RAB6A: variants seen among roughly 807,000 people sequenced by gnomAD.
RAB6A encodes the protein RAB6A, member RAS oncogene family.
In RAB6A, 8 loss-of-function variants were observed where a neutral mutation model predicts 32.3. That is an observed-to-expected ratio of 0.25 (90% confidence interval 0.15 to 0.45). The LOEUF (loss-of-function observed/expected upper bound fraction) is 0.45, where lower values mean the gene tolerates loss of function less well. RAB6A is among the 20% of genes least tolerant of loss of function. The pLI is 1.00. For missense variants in RAB6A, 104 were observed against 249.4 expected (o/e 0.42, Z 3.93); for synonymous variants, 73 against 82.1 (o/e 0.89, Z 0.60).
chr11:73,697,083 G>T (rs1277164221), intron 6 of RAB6A, among the ~76,000 whole-genome samples: 1 of 152,010 alleles, frequency 6.6e-6, no homozygotes, highest in Non-Finnish European at 1.5e-5. Flanking sequence ...TCACTCTAGT[G>T]TAACCTTACT....
chr11:73,749,643 C>T (rs992389094), intron 1 of RAB6A, among the ~76,000 whole-genome samples: 2 of 152,310 alleles, frequency 1.3e-5, no homozygotes, highest in African/African-American at 4.8e-5. Context: ...CAGAGCATTG[C>T]TCAAGGCCAA....
intron 5 of RAB6A, among the ~76,000 whole-genome samples, chr11:73,715,379 C>T (rs187253507): frequency 6.6e-6 from 1 of 152,302 alleles, no homozygotes; most frequent in Non-Finnish European, 1.5e-5. Context: ...CGTCCTTGGC[C>T]TCCCAAAGTG....
At chr11:73,739,143 G>A (rs1946447539) in intron 1 of RAB6A, among the ~76,000 whole-genome samples, 1 of 148,048 alleles carries the variant, frequency 6.8e-6, no homozygotes, top group Non-Finnish European at 1.5e-5. Context: ...TACTCAGGAT[G>A]CTGAGGCACA....
intron 2 of RAB6A, among the ~76,000 whole-genome samples, chr11:73,727,521 T>C (rs535773013): frequency 1.4e-3 from 212 of 152,122 alleles, no homozygotes; most frequent in South Asian, 3.5e-3. Flanking sequence ...TGTGAAAATA[T>C]GGATTCTGAA....
intron 1 of RAB6A, among the ~76,000 whole-genome samples, chr11:73,738,392 G>A (rs1735635164): frequency 6.6e-6 from 1 of 152,156 alleles, no homozygotes; most frequent in African/African-American, 2.4e-5. Flanking sequence ...GCTCTTGCCT[G>A]TAATCCCAGA....
intron 1 of RAB6A, among the ~76,000 whole-genome samples, chr11:73,735,937 A>AAAAAGAG (rs56012322): frequency 2.1e-4 from 26 of 123,554 alleles, no homozygotes; most frequent in Non-Finnish European, 3.3e-4. Flanking sequence ...AAAAAAAAAA[A>AAAAAGAG]AGAGAGAGAG....
chr11:73,737,663 A>T (rs1229222844), intron 1 of RAB6A, among the ~76,000 whole-genome samples: 1 of 152,148 alleles, frequency 6.6e-6, no homozygotes, highest in Non-Finnish European at 1.5e-5. Context: ...ATGAACCTTG[A>T]AAACACTACA....
At chr11:73,724,561 C>T (rs1050510988) in intron 2 of RAB6A, among the ~76,000 whole-genome samples, 1 of 149,974 alleles carries the variant, frequency 6.7e-6, no homozygotes, top group African/African-American at 2.5e-5. Flanking sequence ...TCTCAGCTCA[C>T]CGCAACCTCC....
chr11:73,742,137 C>T (rs1946506181), intron 1 of RAB6A, among the ~76,000 whole-genome samples: 1 of 152,022 alleles, frequency 6.6e-6, no homozygotes, highest in Non-Finnish European at 1.5e-5. Context: ...CAAAAATTAG[C>T]TGGGTGTGGT....
intron 1 of RAB6A, among the ~76,000 whole-genome samples, chr11:73,739,935 T>G (rs1463322128): frequency 6.6e-6 from 1 of 151,936 alleles, no homozygotes; most frequent in Non-Finnish European, 1.5e-5. Context: ...GGCACACACC[T>G]GTAGTCCCAG....
intron 1 of RAB6A, among the ~76,000 whole-genome samples, chr11:73,741,054 T>G (rs1008621247): frequency 1.3e-5 from 2 of 152,132 alleles, no homozygotes; most frequent in African/African-American, 4.8e-5. Flanking sequence ...ATTTATTAGA[T>G]CTACAGTATG....
intron 2 of RAB6A, among the ~76,000 whole-genome samples, chr11:73,729,107 T>C (rs1048357233): frequency 6.6e-6 from 1 of 152,170 alleles, no homozygotes; most frequent in African/African-American, 2.4e-5. Flanking sequence ...TTTGATTTTA[T>C]TTTATTTTTG....
At chr11:73,755,223 G>A (rs1422810166) in intron 1 of RAB6A, among the ~76,000 whole-genome samples, 1 of 151,644 alleles carries the variant, frequency 6.6e-6, no homozygotes, top group African/African-American at 2.4e-5. Context: ...GAGCCACCAC[G>A]CTCGGCCCTA....
intron 1 of RAB6A, among the ~76,000 whole-genome samples, chr11:73,732,831 G>A (rs536686977): frequency 7.3e-5 from 11 of 151,480 alleles, no homozygotes; most frequent in South Asian, 4.2e-4. Flanking sequence ...TTTTTCCCCC[G>A]AGACGATGTC....
At chr11:73,686,944 T>C (rs972863206) in intron 6 of RAB6A, among the ~76,000 whole-genome samples, 36 of 152,204 alleles carry the variant, frequency 2.4e-4, no homozygotes, top group South Asian at 6.2e-4. Context: ...GGCAGCATTA[T>C]TGACAATAGC....
intron 4 of RAB6A, among the ~76,000 whole-genome samples, chr11:73,716,822 C>G (rs1286358668): frequency 6.6e-6 from 1 of 152,196 alleles, no homozygotes; most frequent in Admixed American, 6.5e-5. Flanking sequence ...CTTTCAACAC[C>G]ACTGTTTGCA....
At chr11:73,730,547 T>G in intron 2 of RAB6A, 1 of 480,374 alleles carries the variant, frequency 2.1e-6, no homozygotes, top group Admixed American at 4.3e-5. Flanking sequence ...ATTGGAGATA[T>G]ATTTCAACAG....
chr11:73,714,535 A>G (rs1002748238), intron 5 of RAB6A, among the ~76,000 whole-genome samples: 17 of 148,726 alleles, frequency 1.1e-4, no homozygotes, highest in African/African-American at 4.0e-4. Context: ...GGTGGCAGGC[A>G]TCAGTAATCC....
At chr11:73,712,132 T>C (rs886215220) in intron 5 of RAB6A, among the ~76,000 whole-genome samples, 2 of 152,222 alleles carry the variant, frequency 1.3e-5, no homozygotes, top group Non-Finnish European at 2.9e-5. Context: ...TTAGTATCAT[T>C]AAGAACCAGA....
Sources: gnomAD v4.1 joint callset for allele counts (sites outside exome capture counted in the v4.1 genomes callset) on GRCh38, gnomAD v4.1.1 for gene constraint, MANE v1.5 for transcripts, NCBI Gene and HGNC (gene_info 2026-07-23, HGNC 2026-07-21) for gene names.